Variants in GPC6 observed in about 807,000 individuals in gnomAD.
The protein encoded by GPC6 is glypican 6.
A neutral mutation model predicts 55.2 loss-of-function variants in GPC6; 14 were observed. That is an observed-to-expected ratio of 0.25 (90% CI 0.17 to 0.40). The LOEUF (loss-of-function observed/expected upper bound fraction) is 0.40. GPC6 is among the 10% of genes least tolerant of loss of function. The probability of loss-of-function intolerance (pLI) is 1.00; values close to 1 mark genes in which losing one functional copy is unlikely to be tolerated. For missense variants in GPC6, 641 were observed against 708.5 expected (o/e 0.90, Z 1.08); for synonymous variants, 278 against 259.6 (o/e 1.07, Z -0.68).
intron 3 of GPC6, among the ~76,000 whole-genome samples, chr13:93,915,580 A>C (rs950120762): frequency 1.3e-5 from 2 of 152,224 alleles, no homozygotes; most frequent in Non-Finnish European, 2.9e-5. Context: ...GCAGTGTTCC[A>C]CTGGAAAAAA....
At chr13:93,460,823 G>A (rs1008749027) in intron 1 of GPC6, among the ~76,000 whole-genome samples, 23 of 151,992 alleles carry the variant, frequency 1.5e-4, no homozygotes, top group African/African-American at 5.6e-4. Context: ...GATTATTAGT[G>A]TTATATTCCT....
intron 4 of GPC6, among the ~76,000 whole-genome samples, chr13:94,174,057 G>C (rs575134320): frequency 6.8e-4 from 104 of 152,228 alleles, no homozygotes; most frequent in African/African-American, 2.3e-3. Flanking sequence ...AGTTACATAT[G>C]ATTTTAGCTC....
At chr13:93,568,499 GAC>G (rs1433878705) in intron 2 of GPC6, among the ~76,000 whole-genome samples, 1 of 152,142 alleles carries the variant, frequency 6.6e-6, no homozygotes, top group Non-Finnish European at 1.5e-5. Context: ...GGAAGAGAAA[GAC>G]AGAATTTATG....
chr13:93,725,391 T>G lies in GPC6; in HGVS notation c.320-104763T>G, dbSNP rs115900021. ...ACCAACATAATAAGCCAGCCACTTA[T>G]GATGAAACTCCCTTTCTCCTAAAAG... is the stretch of plus-strand genomic sequence containing the variant. On this transcript the variant is annotated intron_variant, in intron 2 of 8. Coordinates refer to ENST00000377047, the MANE Select transcript of GPC6 (RefSeq NM_005708.5). Among the ~76,000 whole-genome samples, 541 of 152,228 alleles carry G rather than the reference T, an allele frequency of 3.6e-3. 5 individuals carry two copies. The highest frequency in any genetic ancestry group is 0.013 in the African/African-American group (520 of 41,572).
chr13:93,895,218 A>ATGTGTGTGTGTG (rs1299548089), intron 3 of GPC6, among the ~76,000 whole-genome samples: 1 of 60,444 alleles, frequency 1.7e-5, no homozygotes, highest in African/African-American at 9.3e-5. Flanking sequence ...GTGTGTGTGT[A>ATGTGTGTGTGTG]TGTATGTGTG....
At chr13:93,316,866 C>T (rs1304166879) in intron 1 of GPC6, among the ~76,000 whole-genome samples, 1 of 152,002 alleles carries the variant, frequency 6.6e-6, no homozygotes, top group Non-Finnish European at 1.5e-5. Flanking sequence ...ATGTATTTTG[C>T]TTTTCTGAGA....
chr13:93,810,719 G>C (rs1311761139), intron 2 of GPC6, among the ~76,000 whole-genome samples: 1 of 152,198 alleles, frequency 6.6e-6, no homozygotes, highest in South Asian at 2.1e-4. Flanking sequence ...GCAATATTAA[G>C]TATTGTGGAA....
intron 4 of GPC6, among the ~76,000 whole-genome samples, chr13:94,283,414 C>T (rs979768749): frequency 6.6e-6 from 1 of 152,210 alleles, no homozygotes; most frequent in Non-Finnish European, 1.5e-5. Flanking sequence ...AGATTGAAAC[C>T]TGGGCACCTG....
Position 93,799,952 on chromosome 13 carries a change from A to AGCCT in GPC6, c.320-30200_320-30197dup, listed in dbSNP as rs562738093. 7.6e-4 allele frequency among the ~76,000 whole-genome samples: 116 copies of AGCCT among 152,302 alleles called. No individual in the cohort carries two copies. The Middle Eastern group carries it at 0.01, about 13-fold the overall frequency. ...AGAACATTTGCATGTGGTGGACAGTAGCCTGGGTTGTGGGTACTCAGTGAA... is the reference window on the plus strand; with the variant it reads ...AGAACATTTGCATGTGGTGGACAGTAGCCTGCCTGGGTTGTGGGTACTCAGTGAA... On this transcript the variant is annotated intron_variant, in intron 2 of 8. Transcript: ENST00000377047.
intron 1 of GPC6, among the ~76,000 whole-genome samples, chr13:93,433,192 C>G (rs61964175): frequency 0.24 from 36,894 of 151,860 alleles, 4,417 homozygotes; most frequent in Middle Eastern, 0.28. Flanking sequence ...GTGATGCACC[C>G]TGACAAACGG....
intron 5 of GPC6, among the ~76,000 whole-genome samples, chr13:94,303,760 C>A: frequency 7.2e-6 from 1 of 139,840 alleles, no homozygotes; most frequent in African/African-American, 3.0e-5. Flanking sequence ...ATAATTAACT[C>A]CCTCCAAAAA....
chr13:93,537,269 T>C (rs773163929), intron 1 of GPC6, among the ~76,000 whole-genome samples: 2 of 152,232 alleles, frequency 1.3e-5, no homozygotes, highest in African/African-American at 4.8e-5. Context: ...TGCCATGATA[T>C]GAGGAGGTTG....
intron 4 of GPC6, among the ~76,000 whole-genome samples, chr13:94,061,765 A>G (rs1884334737): frequency 6.6e-6 from 1 of 151,652 alleles, no homozygotes; most frequent in Non-Finnish European, 1.5e-5. Context: ...TTGATGTATG[A>G]CATCCATCGG....
At chr13:93,718,550 T>C (rs1290685520) in intron 2 of GPC6, among the ~76,000 whole-genome samples, 1 of 152,116 alleles carries the variant, frequency 6.6e-6, no homozygotes. Flanking sequence ...TCCCATTCTG[T>C]AGGTTGTCTG....
chr13:94,276,651 C>T (rs1892218871), intron 4 of GPC6, among the ~76,000 whole-genome samples: 1 of 152,026 alleles, frequency 6.6e-6, no homozygotes, highest in Admixed American at 6.6e-5. Context: ...CATATATTCT[C>T]ATTGTTCAAC....
intron 1 of GPC6, among the ~76,000 whole-genome samples, chr13:93,490,355 C>T (rs1005751833): frequency 6.6e-6 from 1 of 150,572 alleles, no homozygotes; most frequent in African/African-American, 2.4e-5. Context: ...ACTGCCAAGG[C>T]TTTTACAAGT....
intron 4 of GPC6, among the ~76,000 whole-genome samples, chr13:94,045,357 C>T (rs949170022): frequency 2.0e-5 from 3 of 151,878 alleles, no homozygotes; most frequent in South Asian, 2.1e-4. Flanking sequence ...ATTTTGCTAA[C>T]GTTTATATAA....
At chr13:94,228,775 T>A (rs1890632868) in intron 4 of GPC6, among the ~76,000 whole-genome samples, 1 of 145,650 alleles carries the variant, frequency 6.9e-6, no homozygotes, top group Non-Finnish European at 1.5e-5. Context: ...CCCTCTCCAA[T>A]ACACATATAT....
At chr13:94,023,578 C>T (rs920895304) in intron 3 of GPC6, among the ~76,000 whole-genome samples, 23 of 152,030 alleles carry the variant, frequency 1.5e-4, no homozygotes, top group African/African-American at 4.6e-4. Context: ...TCTTACAAAA[C>T]GAAACATACT....
Sources: allele counts gnomAD v4.1 joint callset (sites outside exome capture counted in the v4.1 genomes callset), GRCh38; gene constraint gnomAD v4.1.1; transcripts MANE v1.5; gene names NCBI Gene and HGNC (gene_info 2026-07-23, HGNC 2026-07-21).